The following TRAF7 variants were observed in gnomAD, a reference collection of about 807,000 sequenced individuals.
The protein encoded by TRAF7 is E3 ubiquitin-protein ligase TRAF7.
Under a neutral mutation model 89.3 loss-of-function variants are expected in TRAF7, and 45 were observed. The ratio of observed to expected loss-of-function variants is 0.50; its 90% CI spans 0.40 to 0.65. The LOEUF is 0.65. Ranked by LOEUF, TRAF7 falls within the 30% of genes least tolerant of loss-of-function variation. The pLI is 0.00. For synonymous variants in TRAF7, 406 were observed against 369.2 expected (o/e 1.10, Z -1.14); for missense variants, 677 against 918.1 (o/e 0.74, Z 3.39).
intron 5 of TRAF7, 94 bp downstream of exon 5, chr16:2,170,824 T>C: frequency 8.1e-7 from 1 of 1,234,236 alleles, no homozygotes; most frequent in Admixed American, 2.0e-5. Flanking sequence ...CCCGCCCAGC[T>C]CACAGGGAGA....
At chr16:2,173,859 T>TTGCCC in intron 12 of TRAF7, 23 bp downstream of exon 12, 4 of 1,246,228 alleles carry the variant, frequency 3.2e-6, no homozygotes, top group African/African-American at 1.9e-5. Flanking sequence ...CCGCCGTGGC[T>TTGCCC]CCCGCCCACC....
intron 2 of TRAF7, among the ~76,000 whole-genome samples, chr16:2,165,627 C>T (rs543098563): frequency 2.1e-4 from 30 of 143,486 alleles, no homozygotes; most frequent in Admixed American, 3.5e-4. Flanking sequence ...GCAGCCTGGT[C>T]GCATGGTTAA....
At chr16:2,173,857 G>GCGGGGGGGGCCCCCCC in intron 12 of TRAF7, 21 bp downstream of exon 12, 13 of 1,607,420 alleles carry the variant, frequency 8.1e-6, no homozygotes, top group Non-Finnish European at 1.1e-5. Context: ...ACCCGCCGTG[G>GCGGGGGGGGCCCCCCC]CTCCCGCCCA....
In TRAF7 at chr16:2,168,001, T is replaced by C. The variant is rs796850109; in HGVS notation, c.140-76T>C. On this transcript the variant is annotated intron_variant, in intron 3 of 20. Coordinates refer to ENST00000326181, the MANE Select transcript of TRAF7 (RefSeq NM_032271.3). This position sits in a 1 kb window ranked among gnomAD's most constrained non-coding sequence, Gnocchi z 4.1. Reference sequence around the variant, plus strand: ...GCTACAGGGGACCCACAGGGTCGGGTATCCAGCATGGGCCCCACCTCCCCC... The same window carrying C: ...GCTACAGGGGACCCACAGGGTCGGGCATCCAGCATGGGCCCCACCTCCCCC... 9.3e-6 allele frequency: 13 copies of C among 1,392,906 alleles called. No homozygotes were observed. In the South Asian group the frequency reaches 9.5e-5, roughly 10 times the overall value. 86.3% of individuals were successfully genotyped at this position (1,392,906 alleles called of 1,614,324 possible).
At chr16:2,175,017 T>A in intron 14 of TRAF7, 94 bp from the exon 15 acceptor site, 1 of 1,505,168 alleles carries the variant, frequency 6.6e-7, no homozygotes, top group South Asian at 1.1e-5. Context: ...TGCTGCTGGT[T>A]CCTGATGGCT....
Position 2,162,625 on chromosome 16 carries a change from G to A in TRAF7, c.-38-1258G>A, listed in dbSNP as rs765058729. On this transcript the variant is annotated intron_variant, in intron 1 of 20. Coordinates refer to ENST00000326181, the MANE Select transcript of TRAF7 (RefSeq NM_032271.3). The surrounding 1 kb of genome is among the most constrained non-coding windows in gnomAD (Gnocchi z 5.0). Reference sequence around the variant, plus strand: ...CCCGGCTTCCCCAGGGTGAGAGCAGGGCCGCAGGAGTGGGCTCCCTGCTGC... The same window carrying A: ...CCCGGCTTCCCCAGGGTGAGAGCAGAGCCGCAGGAGTGGGCTCCCTGCTGC... 6.6e-6 allele frequency among the ~76,000 whole-genome samples: 1 copy of A among 152,062 alleles called. No homozygotes were observed. The highest frequency in any genetic ancestry group is 1.5e-5 in the Non-Finnish European group (1 of 67,970).
At position 2,161,538 on chromosome 16, in the gene TRAF7, C is replaced by A. The variant is rs374720602; in HGVS notation, c.-38-2345C>A. On this transcript the variant is annotated intron_variant, in intron 1 of 20. Coordinates refer to ENST00000326181, the MANE Select transcript of TRAF7 (RefSeq NM_032271.3). This position sits in a 1 kb window ranked among gnomAD's most constrained non-coding sequence, Gnocchi z 5.2. ...TGGGCCCCCGGGCAGGCATCACTGGCAGGGCTTGCAGCTGGCCCTGGGGCC... is the reference window on the plus strand; with the variant it reads ...TGGGCCCCCGGGCAGGCATCACTGGAAGGGCTTGCAGCTGGCCCTGGGGCC... Among the ~76,000 whole-genome samples the A allele has an allele frequency of 0.012, 1,848 of 152,270 alleles. 26 individuals are homozygous for A. The highest frequency in any genetic ancestry group is 0.071 in the South Asian group (342 of 4,816).
In TRAF7 at chr16:2,163,574, T is replaced by C; in HGVS notation, c.-38-309T>C. 5.7e-6 allele frequency: 2 copies of C among 350,026 alleles called. No homozygotes were observed. Among genetic ancestry groups the C allele is most frequent in the Non-Finnish European group, 1.1e-5 (2 of 183,270 alleles). The allele number at this position is 350,026 out of a possible 1,614,324, so 21.7% of individuals were successfully genotyped here. A position where few individuals can be genotyped will look rare whatever the true frequency, so the allele number is the denominator to read the frequency against. On this transcript the variant is annotated intron_variant, in intron 1 of 20. Coordinates refer to ENST00000326181, the MANE Select transcript of TRAF7 (RefSeq NM_032271.3). The surrounding 1 kb of genome is among the most constrained non-coding windows in gnomAD (Gnocchi z 4.3). The stretch of plus-strand genomic sequence containing the variant: ...GGCTGTGACTCAGGACCCAGAGGAG[T>C]AGAGGGAGCCAGGCAGGGGTCCCTC...
rs1367160502 is a variant in TRAF7, at chr16:2,177,848, G to GC, written c.*1279dup. On this transcript the variant is annotated 3_prime_UTR_variant, in exon 21 of 21. Coordinates refer to ENST00000326181, the MANE Select transcript of TRAF7 (RefSeq NM_032271.3). The stretch of plus-strand genomic sequence containing the variant: ...GAACTTAGGAGAGAAGCACGGAGGA[G>GC]CCCCCGGCAGAGCACCCGCCCCCGG... The GC allele has an allele frequency of 7.1e-6, 2 of 283,556 alleles. No homozygotes were observed. The highest frequency in any genetic ancestry group is 1.4e-5 in the Non-Finnish European group (2 of 147,530). 17.6% of individuals were successfully genotyped at this position (283,556 alleles called of 1,614,324 possible). A position where few individuals can be genotyped will look rare whatever the true frequency, so the allele number is the denominator to read the frequency against.
intron 2 of TRAF7, among the ~76,000 whole-genome samples, 158 bp downstream of exon 2, chr16:2,164,159 T>TGTGCGCGCGC (rs879079517): frequency 3.2e-5 from 4 of 126,074 alleles, no homozygotes; most frequent in African/African-American, 1.2e-4. Flanking sequence ...TGTGTGTGTG[T>TGTGCGCGCGC]GCGCGCGCGC....
At chr16:2,171,872 C>T (rs553927238) in intron 7 of TRAF7, among the ~76,000 whole-genome samples, 2 of 152,324 alleles carry the variant, frequency 1.3e-5, no homozygotes, top group Admixed American at 1.3e-4. Context: ...CCAGGGTTGG[C>T]ACCCTCTGGG....
At chr16:2,165,164 G>T (rs1403918179) in intron 2 of TRAF7, among the ~76,000 whole-genome samples, 1 of 142,068 alleles carries the variant, frequency 7.0e-6, no homozygotes, top group East Asian at 2.1e-4. Context: ...GTGCTGCGTG[G>T]CCTGGCCTGG....
In TRAF7 at chr16:2,162,242, G is replaced by C. The variant is rs1200279755; in HGVS notation, c.-38-1641G>C. Among the ~76,000 whole-genome samples the C allele has an allele frequency of 1.3e-5, 2 of 151,082 alleles. No individual in the cohort carries two copies. Among genetic ancestry groups the C allele is most frequent in the African/African-American group, 2.4e-5 (1 of 41,422 alleles). On this transcript the variant is annotated intron_variant, in intron 1 of 20. Transcript: ENST00000326181. The surrounding 1 kb of genome is among the most constrained non-coding windows in gnomAD (Gnocchi z 5.0). ...GGGACAGGTGGGCCTGGGCAGCCTA[G>C]AGAATGGGAGAGGAGACAGCAGGAG...
chr16:2,161,715 G>A lies in TRAF7; in HGVS notation c.-38-2168G>A, dbSNP rs969365170. 2.0e-5 allele frequency among the ~76,000 whole-genome samples: 3 copies of A among 152,188 alleles called. No homozygotes were observed. Among genetic ancestry groups the A allele is most frequent in the Admixed American group, 6.5e-5 (1 of 15,278 alleles). ...TGAACCTCCTGTGCCGAGTCATGGCGCCCTGCACTTCAGGCTATCAGGGCC... is the reference window on the plus strand; with the variant it reads ...TGAACCTCCTGTGCCGAGTCATGGCACCCTGCACTTCAGGCTATCAGGGCC... On this transcript the variant is annotated intron_variant, in intron 1 of 20. Transcript: ENST00000326181. The surrounding 1 kb of genome is among the most constrained non-coding windows in gnomAD (Gnocchi z 5.2).
At chr16:2,173,657 G>T in intron 11 of TRAF7, 103 bp downstream of exon 11, 1 of 1,571,062 alleles carries the variant, frequency 6.4e-7, no homozygotes. Flanking sequence ...TCAAGATCAG[G>T]GGTCTTGTGT....
intron 6 of TRAF7, 92 bp from the exon 7 acceptor site, chr16:2,171,480 T>C (rs2093110298): frequency 6.3e-7 from 1 of 1,585,616 alleles, no homozygotes; most frequent in Admixed American, 1.8e-5. Context: ...GCACTGGGCT[T>C]GGGGTACAGC....
intron 1 of TRAF7, among the ~76,000 whole-genome samples, chr16:2,157,883 AGCC>A (rs1000083182): frequency 2.9e-4 from 44 of 152,282 alleles, no homozygotes; most frequent in Admixed American, 2.9e-3. Flanking sequence ...CGCCTTCCTC[AGCC>A]TCCATGGTCC....
At chr16:2,173,857 G>GCGGGGCGGCCCCCCCC in intron 12 of TRAF7, 21 bp downstream of exon 12, 2 of 1,607,506 alleles carry the variant, frequency 1.2e-6, no homozygotes, top group Non-Finnish European at 1.7e-6. Context: ...ACCCGCCGTG[G>GCGGGGCGGCCCCCCCC]CTCCCGCCCA....
chr16:2,166,964 C>T (rs1221900004), intron 3 of TRAF7, among the ~76,000 whole-genome samples: 1 of 151,952 alleles, frequency 6.6e-6, no homozygotes, highest in Non-Finnish European at 1.5e-5. Flanking sequence ...AGCACACTGG[C>T]TGCTAATTAG....
Sources: gnomAD v4.1 joint callset for allele counts (sites outside exome capture counted in the v4.1 genomes callset) on GRCh38, gnomAD v4.1.1 for gene constraint, Gnocchi (gnomAD v3.1) non-coding constraint, MANE v1.5 for transcripts, NCBI Gene and HGNC (gene_info 2026-07-23, HGNC 2026-07-21) for gene names.